The following ADAMTS1 variants were observed in gnomAD, a reference collection of about 807,000 sequenced individuals.
The protein encoded by ADAMTS1 is ADAM metallopeptidase with thrombospondin type 1 motif 1, also known as A disintegrin and metalloproteinase with thrombospondin motifs 1.
Under a neutral mutation model 87.9 loss-of-function variants are expected in ADAMTS1, and 19 were observed. The observed-to-expected ratio is 0.22, with a 90% CI of 0.15 to 0.32. The LOEUF (loss-of-function observed/expected upper bound fraction) is 0.32. ADAMTS1 is among the 10% of genes least tolerant of loss of function. The pLI, the probability that ADAMTS1 is intolerant of heterozygous loss-of-function variation, is 1.00. For synonymous variants in ADAMTS1, 542 were observed against 501.8 expected (o/e 1.08, Z -1.07); for missense variants, 1,240 against 1,259.1 (o/e 0.98, Z 0.23).
chr21:26,845,149 G>C lies in ADAMTS1; in HGVS notation c.-195C>G, dbSNP rs1477295664. 5.6e-6 allele frequency: 4 copies of C among 719,148 alleles called. No homozygotes were observed. Among genetic ancestry groups the C allele is most frequent in the African/African-American group, 3.7e-5 (2 of 53,976 alleles). 44.5% of individuals were successfully genotyped at this position (719,148 alleles called of 1,614,324 possible). A position where few individuals can be genotyped will look rare whatever the true frequency, so the allele number is the denominator to read the frequency against. ...TAAAAGGAGGCGCTGCAGTTCTGCC[G>C]GCGCGCGGGAAGTTTTTCTTCCAGC... On this transcript the variant is annotated 5_prime_UTR_variant, in exon 1 of 9. Transcript: ENST00000284984.
chr21:26,843,928 G>A (rs951571101), intron 1 of ADAMTS1, among the ~76,000 whole-genome samples: 2 of 152,210 alleles, frequency 1.3e-5, no homozygotes, highest in Non-Finnish European at 2.9e-5. Flanking sequence ...CTCGCTAAAG[G>A]TGGAAGGAGT....
chr21:26,841,490 T>G (rs1985493605), intron 3 of ADAMTS1: 2 of 250,028 alleles, frequency 8.0e-6, no homozygotes, highest in South Asian at 2.3e-4. Context: ...AAAAAAATAA[T>G]AATAAAATAA....
rs1365171939 is a variant in ADAMTS1 at position 26,839,755 on chromosome 21, G to T, written c.1860C>A (p.Thr620=). 6.2e-7 allele frequency: 1 copy of T among 1,607,144 alleles called. No individual in the cohort carries two copies. The highest frequency in any genetic ancestry group is 1.1e-5 in the South Asian group (1 of 90,742). Residue 620 remains threonine (T), a synonymous_variant, in exon 7 of 9, where the codon ACC becomes ACA. Coordinates refer to ENST00000284984, the MANE Select transcript of ADAMTS1 (RefSeq NM_006988.5). ...LEDCPDNNGK[T]FREEQCEAHN... is the part of the protein sequence containing the mutation. ...GTGCTTCACATTGTTCCTCTCTAAA[G>T]GTTTTTCCTGGAAAGAGAATAATAT... is the stretch of plus-strand genomic sequence containing the variant.
At position 26,844,984 on chromosome 21, in the gene ADAMTS1, G is replaced by A; in HGVS notation, c.-30C>T. ...GCCCCAGGAGACACCGCTCGTAGCA[G>A]CGCACGGAGCGAGGGACCTTTAGTT... On this transcript the variant is annotated 5_prime_UTR_variant, in exon 1 of 9. Coordinates refer to ENST00000284984, the MANE Select transcript of ADAMTS1 (RefSeq NM_006988.5). 1 of 1,492,878 alleles carries A rather than the reference G, an allele frequency of 6.7e-7. No individual in the cohort carries two copies. The highest frequency in any genetic ancestry group is 8.9e-7 in the Non-Finnish European group (1 of 1,125,214). The allele number at this position is 1,492,878 out of a possible 1,614,324, so 92.5% of individuals were successfully genotyped here. A position where few individuals can be genotyped will look rare whatever the true frequency, so the allele number is the denominator to read the frequency against.
In ADAMTS1 at chr21:26,837,756, G is replaced by T. The variant is rs765508621; in HGVS notation, c.2727C>A (p.Cys909Ter). Reference protein sequence around the residue: ...ASTRPCADHPCPQWQLGEWSS... With the variant: ...ASTRPCADHP ...ACCACTCCCCCAGCTGCCACTGGGG[G>T]CAGGGATGGTCTGCACAAGGTCTGG... is the stretch of plus-strand genomic sequence containing the variant. The change falls in exon 9 of 9, where the codon TGC (cysteine) becomes TGA (stop). Residue 909 changes from cysteine (C) to a stop codon, truncating the protein, a stop_gained. Transcript: ENST00000284984. LOFTEE classifies it high-confidence loss of function. 1.2e-6 allele frequency: 2 copies of T among 1,614,152 alleles called. No individual in the cohort carries two copies. The highest frequency in any genetic ancestry group is 1.7e-6 in the Non-Finnish European group (2 of 1,180,036).
At position 26,844,316 on chromosome 21, in the gene ADAMTS1, G is replaced by T. The variant is rs748623761; in HGVS notation, c.639C>A (p.Thr213=). The T allele has an allele frequency of 6.2e-7, 1 of 1,608,896 alleles. No homozygotes were observed. ...CCTCAGTCCCTTCGTCCTCGTCTTC[G>T]GTCTCCGCTTTCCCAGTCGGCCGGG... ...DEPRPTGKAE[T]EDEDEGTEGE... Residue 213 remains threonine, a synonymous_variant, in exon 1 of 9, where the codon ACC becomes ACA. Transcript: ENST00000284984.
intron 7 of ADAMTS1, 90 bp from the exon 8 acceptor site, chr21:26,838,704 T>C: frequency 1.5e-6 from 2 of 1,311,732 alleles, no homozygotes; most frequent in African/African-American, 1.5e-5. Flanking sequence ...TCTACTTTCC[T>C]GACCATGCTA....
At chr21:26,838,645 T>C (rs1307134607) in intron 7 of ADAMTS1, 31 bp from the exon 8 acceptor site, 9 of 1,600,278 alleles carry the variant, frequency 5.6e-6, no homozygotes, top group East Asian at 2.2e-5. Flanking sequence ...TAGTGTTACA[T>C]ACAAGCAAAG....
At chr21:26,843,759 G>T in intron 1 of ADAMTS1, 1 of 492,876 alleles carries the variant, frequency 2.0e-6, no homozygotes, top group Non-Finnish European at 4.1e-6. Context: ...GGTCACCATT[G>T]CTCCTCTGCC....
rs56030130 is a variant in ADAMTS1 at position 26,837,846 on chromosome 21, T to C, written c.2637A>G (p.Val879=). The C allele has an allele frequency of 1.4e-4, 221 of 1,614,242 alleles. No homozygotes were observed. The highest frequency in any genetic ancestry group is 1.8e-4 in the Non-Finnish European group (207 of 1,180,056). Residue 879 remains valine (V), a synonymous_variant, in exon 9 of 9, where the codon GTA becomes GTG. Transcript: ENST00000284984. Reference sequence around the variant, plus strand: ...GCTGTCCATTAATGTCTCGGCATTCTACCAGTCTTCTCTGCCAACCCAATT... The same window carrying C: ...GCTGTCCATTAATGTCTCGGCATTCCACCAGTCTTCTCTGCCAACCCAATT... ...SCELGWQRRL[V]ECRDINGQPA... is the part of the protein sequence containing the mutation.
At chr21:26,840,105 G>A in intron 5 of ADAMTS1, 44 bp from the exon 6 acceptor site, 3 of 1,582,762 alleles carry the variant, frequency 1.9e-6, no homozygotes, top group Non-Finnish European at 2.6e-6. Flanking sequence ...TATCTAAAGA[G>A]AACTTTTAGG....
intron 5 of ADAMTS1, 44 bp downstream of exon 5, chr21:26,840,231 CT>C (rs1036395429): frequency 2.5e-6 from 4 of 1,591,550 alleles, no homozygotes; most frequent in Non-Finnish European, 3.4e-6. Context: ...TTTACCATCA[CT>C]TTGTTCTTTT....
rs142206749 is a variant in ADAMTS1 at position 26,837,211 on chromosome 21, CTAAG to C, written c.*364_*367del. ...TTTTCATTTCCCAACCCCCATGATA[CTAAG>C]TATTTGATAAGTACCAGGAAACAGG... On this transcript the variant is annotated 3_prime_UTR_variant, in exon 9 of 9. Coordinates refer to ENST00000284984, the MANE Select transcript of ADAMTS1 (RefSeq NM_006988.5). The C allele has an allele frequency of 2.2e-5, 4 of 182,686 alleles. No homozygotes were observed. The East Asian group carries it at 5.1e-4, about 23-fold the overall frequency. 11.3% of individuals were successfully genotyped at this position (182,686 alleles called of 1,614,324 possible).
rs1985514992 is a variant in ADAMTS1 at position 26,842,477 on chromosome 21, G to A, written c.939C>T (p.His313=). The A allele has an allele frequency of 6.2e-7, 1 of 1,614,048 alleles. No homozygotes were observed. The highest frequency in any genetic ancestry group is 8.5e-7 in the Non-Finnish European group (1 of 1,180,020). Residue 313 remains histidine, a synonymous_variant, in exon 2 of 9, where the codon CAC becomes CAT. Coordinates refer to ENST00000284984, the MANE Select transcript of ADAMTS1 (RefSeq NM_006988.5). ...TCACTTCCGGCCCCTTCTGTTCATC[G>A]TGGATGACCAAGATCTTCACCACCA... ...SLVVVKILVI[H]DEQKGPEVTS... is the part of the protein sequence containing the mutation.
In ADAMTS1 at chr21:26,844,528, C is replaced by G. The variant is rs765634327; in HGVS notation, c.427G>C (p.Glu143Gln). 6.9e-6 allele frequency: 11 copies of G among 1,603,014 alleles called. No individual in the cohort carries two copies. The South Asian group carries it at 1.2e-4, about 18-fold the overall frequency. The change falls in exon 1 of 9, where the codon GAG becomes CAG. Residue 143 changes from glutamate (E) to glutamine (Q), a missense_variant. Physicochemically the swap from Glu to Gln is conservative, Grantham distance 29. This residue lies in a region of ADAMTS1 where 521 missense variants were observed against 449.7 expected (regional missense o/e 1.16). Coordinates refer to ENST00000284984, the MANE Select transcript of ADAMTS1 (RefSeq NM_006988.5). ...PSSAAALSLC[E>Q]GVRGAFYLLG... ...AGGTAGAAGGCGCCGCGCACGCCCT[C>G]GCAGAGGCTGAGGGCGGCAGCCGAG...
Position 26,837,697 on chromosome 21 carries a change from T to C in ADAMTS1, c.2786A>G (p.Lys929Arg). The C allele has an allele frequency of 6.2e-7, 1 of 1,614,240 alleles. No individual in the cohort carries two copies. Among genetic ancestry groups the C allele is most frequent in the Non-Finnish European group, 8.5e-7 (1 of 1,180,050 alleles). ...SCSKTCGKGY[K>R]KRSLKCLSHD... is the part of the protein sequence containing the mutation. The stretch of plus-strand genomic sequence containing the variant: ...GGACAGACACTTCAAGCTTCTTTTT[T>C]TGTAACCCTTCCCACAGGTCTTAGA... The change falls in exon 9 of 9, where the codon AAA (lysine) becomes AGA (arginine). Residue 929 changes from lysine to arginine, a missense_variant. Coordinates refer to ENST00000284984, the MANE Select transcript of ADAMTS1 (RefSeq NM_006988.5).
intron 7 of ADAMTS1, 140 bp downstream of exon 7, chr21:26,839,447 A>T: frequency 2.6e-6 from 2 of 765,804 alleles, no homozygotes; most frequent in Non-Finnish European, 4.1e-6. Flanking sequence ...GTTGCCAATT[A>T]ATGTAAAAGA....
At chr21:26,839,410 C>G (rs1985443413) in intron 7 of ADAMTS1, 177 bp downstream of exon 7, 1 of 577,054 alleles carries the variant, frequency 1.7e-6, no homozygotes, top group Non-Finnish European at 3.0e-6. Context: ...TCATTCATAA[C>G]TGAAAACACT....
chr21:26,839,656 T>C lies in ADAMTS1; in HGVS notation c.1959A>G (p.Ser653=). The C allele has an allele frequency of 5.6e-6, 9 of 1,613,786 alleles. No homozygotes were observed. The highest frequency in any genetic ancestry group is 7.6e-6 in the Non-Finnish European group (9 of 1,179,702). ...VEWIPKYAGV[S]PKDRCKLICQ... ...AGATGAGCTTGCACCTGTCCTTTGG[T>C]GAGACGCCAGCGTACTTGGGAATCC... The change falls in exon 7 of 9, where the codon TCA becomes TCG. Residue 653 remains serine (S), a synonymous_variant. Coordinates refer to ENST00000284984, the MANE Select transcript of ADAMTS1 (RefSeq NM_006988.5).
Sources: allele counts gnomAD v4.1 joint callset (sites outside exome capture counted in the v4.1 genomes callset), GRCh38; gene constraint gnomAD v4.1.1; regional missense constraint gnomAD v4.1.1; transcripts MANE v1.5; gene names NCBI Gene and HGNC (gene_info 2026-07-23, HGNC 2026-07-21).